The following NAV3 variants were observed in gnomAD, a reference collection of about 807,000 sequenced individuals.
The protein encoded by NAV3 is neuron navigator 3, also known as pore membrane and/or filament interacting like protein 1.
A neutral mutation model predicts 244.7 loss-of-function variants in NAV3; 87 were observed. The observed-to-expected ratio is 0.36, with a 90% CI of 0.30 to 0.42. NAV3 has a LOEUF of 0.42. Among genes scored for constraint, NAV3 ranks in the 20% least tolerant of loss-of-function variants. The pLI is 1.00. For synonymous variants in NAV3, 1,126 were observed against 1,042.2 expected (o/e 1.08, Z -1.55); for missense variants, 2,663 against 2,893.3 (o/e 0.92, Z 1.83).
At chr12:77,796,190 A>G (rs1436841626) in intron 2 of NAV3, among the ~76,000 whole-genome samples, 1 of 152,196 alleles carries the variant, frequency 6.6e-6, no homozygotes, top group Non-Finnish European at 1.5e-5. Flanking sequence ...CATTGAGAAC[A>G]TTTATGATTC....
At chr12:78,144,912 CAAAAAAAAAAAAAAAAAA>C (rs755345560) in intron 20 of NAV3, 20 of 66,290 alleles carry the variant, frequency 3.0e-4, no homozygotes, top group South Asian at 1.5e-3. Flanking sequence ...GATCCTGTCT[CAAAAAAAAAAAAAAAAAA>C]AAAAAAAAAA....
chr12:78,201,353 T>C (rs1304160549), intron 38 of NAV3, among the ~76,000 whole-genome samples: 1 of 152,054 alleles, frequency 6.6e-6, no homozygotes, highest in African/African-American at 2.4e-5. Context: ...TTTCCTGTTT[T>C]TAGTATACTT....
At chr12:77,606,060 G>A (rs892876007) in intron 2 of NAV3, among the ~76,000 whole-genome samples, 1 of 152,064 alleles carries the variant, frequency 6.6e-6, no homozygotes, top group African/African-American at 2.4e-5. Context: ...AATTTGTTGA[G>A]TTTCAGGTCT....
At position 77,998,265 on chromosome 12, in the gene NAV3, C is replaced by CT. The variant is rs1183158398; in HGVS notation, c.741-69dup. 5 of 1,188,382 alleles carry CT rather than the reference C, an allele frequency of 4.2e-6. No homozygotes were observed. The African/African-American group carries it at 7.8e-5, about 19-fold the overall frequency. 73.6% of individuals were successfully genotyped at this position (1,188,382 alleles called of 1,614,324 possible). ...AACATCATATGTTGTAAATTTCTGA[C>CT]TTTCAGCACCTCCTGCTTCTTACCT... On this transcript the variant is annotated intron_variant, in intron 6 of 39. Coordinates refer to ENST00000397909, the MANE Select transcript of NAV3 (RefSeq NM_001024383.2).
chr12:78,169,110 G>A (rs1282145228), intron 24 of NAV3, among the ~76,000 whole-genome samples: 1 of 151,712 alleles, frequency 6.6e-6, no homozygotes, highest in Non-Finnish European at 1.5e-5. Flanking sequence ...CTGATCTTAA[G>A]AAATTTGGTT....
chr12:77,748,613 A>T (rs562094454), intron 2 of NAV3, among the ~76,000 whole-genome samples: 2 of 152,328 alleles, frequency 1.3e-5, no homozygotes, highest in East Asian at 3.9e-4. Flanking sequence ...TGAGGACATG[A>T]TGCTAAGTGA....
chr12:78,058,949 T>C, intron 11 of NAV3, 47 bp from the exon 12 acceptor site: 1 of 1,532,262 alleles, frequency 6.5e-7, no homozygotes, highest in South Asian at 1.3e-5. Context: ...AATTGTACAG[T>C]TGAGTTGATT....
At chr12:77,763,646 A>T (rs976911858) in intron 2 of NAV3, among the ~76,000 whole-genome samples, 3 of 152,178 alleles carry the variant, frequency 2.0e-5, no homozygotes, top group African/African-American at 7.2e-5. Context: ...TTGCAGCCTA[A>T]TTTTGTGTAG....
intron 2 of NAV3, among the ~76,000 whole-genome samples, chr12:77,642,060 G>A (rs1408340239): frequency 1.3e-5 from 2 of 152,066 alleles, no homozygotes; most frequent in African/African-American, 4.8e-5. Flanking sequence ...GATTTCTTCA[G>A]AGCTATGTAT....
intron 2 of NAV3, among the ~76,000 whole-genome samples, chr12:77,726,411 A>G (rs1472395126): frequency 1.3e-5 from 2 of 151,962 alleles, no homozygotes; most frequent in Non-Finnish European, 2.9e-5. Context: ...CCCTGCAAAT[A>G]AATGGGATTT....
rs141468526 is a variant in NAV3, at chr12:78,046,045, G to A, written c.2024-3948G>A. Among the ~76,000 whole-genome samples the A allele has an allele frequency of 3.4e-3, 520 of 152,244 alleles. 5 individuals carry two copies. The highest frequency in any genetic ancestry group is 0.012 in the African/African-American group (491 of 41,562). On this transcript the variant is annotated intron_variant, in intron 9 of 39. Transcript: ENST00000397909. ...AGTAGTGTTTATAGTATTTTTTGACGATAGTTTGTATTTCTGTGGGATCAG... is the reference window on the plus strand; with the variant it reads ...AGTAGTGTTTATAGTATTTTTTGACAATAGTTTGTATTTCTGTGGGATCAG...
At chr12:77,721,420 GT>G (rs1876627451) in intron 2 of NAV3, among the ~76,000 whole-genome samples, 1 of 151,774 alleles carries the variant, frequency 6.6e-6, no homozygotes, top group African/African-American at 2.4e-5. Context: ...TAACCTTTTT[GT>G]TTTAGCTCTT....
chr12:78,052,526 CA>C (rs1882909402), intron 11 of NAV3, among the ~76,000 whole-genome samples: 1 of 152,162 alleles, frequency 6.6e-6, no homozygotes, highest in Non-Finnish European at 1.5e-5. Context: ...GGATCATCCA[CA>C]AATTTTAGTT....
At chr12:77,758,503 T>C (rs988651765) in intron 2 of NAV3, among the ~76,000 whole-genome samples, 1 of 152,190 alleles carries the variant, frequency 6.6e-6, no homozygotes, top group Non-Finnish European at 1.5e-5. Flanking sequence ...ATCTTCTTTT[T>C]ATCACTGCAT....
chr12:77,803,222 C>A (rs1056873512), intron 2 of NAV3, among the ~76,000 whole-genome samples: 6 of 152,104 alleles, frequency 3.9e-5, no homozygotes, highest in Admixed American at 3.9e-4. Flanking sequence ...ATTTCTCCTA[C>A]ACCCATCAAC....
intron 5 of NAV3, among the ~76,000 whole-genome samples, chr12:77,984,560 A>C (rs1335169926): frequency 6.6e-6 from 1 of 151,978 alleles, no homozygotes; most frequent in Non-Finnish European, 1.5e-5. Context: ...TCCTCATAAA[A>C]GCCTTTAGGT....
intron 20 of NAV3, chr12:78,143,504 G>A (rs1160603509): frequency 1.6e-5 from 5 of 309,778 alleles, no homozygotes; most frequent in South Asian, 9.3e-5. Flanking sequence ...AGTGGCATAC[G>A]TCTGTAATCC....
rs59098517 is a variant in NAV3 at position 77,737,467 on chromosome 12, C to T, written c.72+165201C>T. Among the ~76,000 whole-genome samples the T allele has an allele frequency of 1.1e-3, 170 of 151,896 alleles. 1 individual carries two copies. Among genetic ancestry groups the T allele is most frequent in the African/African-American group, 3.7e-3 (152 of 41,398 alleles). Reference sequence around the variant, plus strand: ...CTCCTAGGTGCTGCTTTACTTTTTTCTTCCAGGGGATATAGGCGTTGACAC... The same window carrying T: ...CTCCTAGGTGCTGCTTTACTTTTTTTTTCCAGGGGATATAGGCGTTGACAC... On this transcript the variant is annotated intron_variant, in intron 2 of 8. Transcript: ENST00000550042.
chr12:77,660,137 AGTCATCTTATTTTATG>A (rs1873365280), intron 2 of NAV3, among the ~76,000 whole-genome samples: 1 of 152,116 alleles, frequency 6.6e-6, no homozygotes. Flanking sequence ...AATATGAGAT[AGTCATCTTATTTTATG>A]GTGATTAAAT....
Sources: gnomAD v4.1 joint callset for allele counts (sites outside exome capture counted in the v4.1 genomes callset) on GRCh38, gnomAD v4.1.1 for gene constraint, MANE v1.5 for transcripts, NCBI Gene and HGNC (gene_info 2026-07-23, HGNC 2026-07-21) for gene names.